SIL1: variants seen among roughly 807,000 people sequenced by gnomAD.
SIL1 encodes nucleotide exchange factor SIL1.
Under a neutral mutation model 49.1 loss-of-function variants are expected in SIL1, and 40 were observed. The ratio of observed to expected loss-of-function variants is 0.81; its 90% confidence interval spans 0.63 to 1.06. The LOEUF is 1.06. Ranked by LOEUF, SIL1 falls within the 50% of genes least tolerant of loss-of-function variation. SIL1 has a pLI of 0.00. For missense variants in SIL1, 500 were observed against 572.6 expected, an observed-to-expected ratio of 0.87 and a Z score of 1.29; for synonymous variants, 253 against 250.8, an observed-to-expected ratio of 1.01 and a Z score of -0.08.
At chr5:139,057,143 A>G (rs1208548469) in intron 3 of SIL1, among the ~76,000 whole-genome samples, 1 of 150,340 alleles carries the variant, frequency 6.7e-6, no homozygotes, top group Non-Finnish European at 1.5e-5. Flanking sequence ...AGTCATCACC[A>G]CTCCCTAATC....
chr5:139,193,603 G>GA (rs1204767175), intron 1 of SIL1, among the ~76,000 whole-genome samples: 1 of 151,896 alleles, frequency 6.6e-6, no homozygotes, highest in Admixed American at 6.6e-5. Flanking sequence ...ACAATTAAGG[G>GA]AAAAAAAGTC....
At chr5:139,144,573 T>G (rs1751155558) in intron 1 of SIL1, among the ~76,000 whole-genome samples, 1 of 151,892 alleles carries the variant, frequency 6.6e-6, no homozygotes, top group Admixed American at 6.6e-5. Flanking sequence ...AGGACGAAAT[T>G]TAAAAGGCTA....
At chr5:139,054,185 G>GC (rs1175745227) in intron 3 of SIL1, among the ~76,000 whole-genome samples, 2 of 152,170 alleles carry the variant, frequency 1.3e-5, no homozygotes, top group African/African-American at 4.8e-5. Context: ...GGAGGCCAAG[G>GC]CAAGTGGATC....
Position 138,947,074 on chromosome 5 carries a change from C to CA in SIL1, c.*42dup. The CA allele has an allele frequency of 6.6e-7, 1 of 1,518,860 alleles. No homozygotes were observed. 94.1% of individuals were successfully genotyped at this position (1,518,860 alleles called of 1,614,324 possible). A position where few individuals can be genotyped will look rare whatever the true frequency, so the allele number is the denominator to read the frequency against. On this transcript the variant is annotated 3_prime_UTR_variant, in exon 10 of 10. Coordinates refer to ENST00000394817, the MANE Select transcript of SIL1 (RefSeq NM_022464.5). This position sits in a 1 kb window ranked among gnomAD's most constrained non-coding sequence, Gnocchi z 4.1. ...GAAGCCCACCCACGCTGGCACCCCTCAGCCTCACTAGCGGCATCCCAGTCC... is the reference window on the plus strand; with the variant it reads ...GAAGCCCACCCACGCTGGCACCCCTCAAGCCTCACTAGCGGCATCCCAGTCC...
At chr5:138,993,466 G>A (rs966131043) in intron 7 of SIL1, among the ~76,000 whole-genome samples, 2 of 152,144 alleles carry the variant, frequency 1.3e-5, no homozygotes, top group African/African-American at 2.4e-5. Context: ...ACAGCCAGAC[G>A]CATCCTTGTG....
chr5:139,197,215 T>C (rs1561898738), intron 1 of SIL1, among the ~76,000 whole-genome samples: 1 of 132,466 alleles, frequency 7.5e-6, no homozygotes, highest in Non-Finnish European at 1.5e-5. Flanking sequence ...TTGCTGTGAG[T>C]CGAGATGGCA....
chr5:139,178,425 T>G (rs751149137), intron 1 of SIL1, among the ~76,000 whole-genome samples: 1 of 152,086 alleles, frequency 6.6e-6, no homozygotes, highest in Non-Finnish European at 1.5e-5. Context: ...CAGGTAAATA[T>G]GAAATGCCAT....
At chr5:138,973,974 A>G (rs1243333759) in intron 7 of SIL1, among the ~76,000 whole-genome samples, 2 of 152,134 alleles carry the variant, frequency 1.3e-5, no homozygotes, top group African/African-American at 4.8e-5. Context: ...TGAATGGATC[A>G]CGCTTCTACA....
intron 7 of SIL1, among the ~76,000 whole-genome samples, chr5:139,018,136 G>A (rs1768439640): frequency 6.6e-6 from 1 of 152,144 alleles, no homozygotes; most frequent in Non-Finnish European, 1.5e-5. Flanking sequence ...ACATTTAGTA[G>A]TCATGTCAAT....
intron 2 of SIL1, among the ~76,000 whole-genome samples, chr5:139,124,439 T>C (rs965739906): frequency 1.3e-5 from 2 of 152,228 alleles, no homozygotes; most frequent in African/African-American, 2.4e-5. Flanking sequence ...ACACAAAACC[T>C]GTACATTTAA....
chr5:139,036,687 G>C (rs1316916557), intron 5 of SIL1, among the ~76,000 whole-genome samples: 1 of 152,060 alleles, frequency 6.6e-6, no homozygotes, highest in Non-Finnish European at 1.5e-5. Flanking sequence ...CACACACTGG[G>C]GCCTATTGGG....
intron 3 of SIL1, among the ~76,000 whole-genome samples, chr5:139,094,918 C>T (rs976814044): frequency 9.9e-5 from 15 of 152,158 alleles, no homozygotes; most frequent in African/African-American, 3.4e-4. Context: ...GAGTACTGGT[C>T]AGGTATTTTA....
rs953514942 is a variant in SIL1, at chr5:139,057,329, G to GAAAAAAAA, written c.245-6284_245-6283insTTTTTTTT. Among the ~76,000 whole-genome samples, 22 of 99,984 alleles carry GAAAAAAAA rather than the reference G, an allele frequency of 2.2e-4. 2 individuals are homozygous for GAAAAAAAA. Among genetic ancestry groups the GAAAAAAAA allele is most frequent in the African/African-American group, 6.8e-4 (16 of 23,628 alleles). The allele number at this position is 99,984 out of a possible 152,430, so 65.6% of individuals were successfully genotyped here. A position where few individuals can be genotyped will look rare whatever the true frequency, so the allele number is the denominator to read the frequency against. On this transcript the variant is annotated intron_variant, in intron 3 of 9. Coordinates refer to ENST00000394817, the MANE Select transcript of SIL1 (RefSeq NM_022464.5). ...GAATGATCAATAAAAAAAAAAAAAA[G>GAAAAAAAA]AAAAGAAAAGAACATCACTGCTAGC...
intron 5 of SIL1, among the ~76,000 whole-genome samples, chr5:139,039,925 A>T (rs1769001250): frequency 6.6e-6 from 1 of 152,186 alleles, no homozygotes; most frequent in African/African-American, 2.4e-5. Context: ...TCCAAGAACC[A>T]AGGAACTCCG....
intron 1 of SIL1, among the ~76,000 whole-genome samples, chr5:139,176,357 T>C (rs1262855658): frequency 1.3e-5 from 2 of 152,178 alleles, no homozygotes; most frequent in Non-Finnish European, 2.9e-5. Context: ...GGAATTACCC[T>C]TAAGGCTCCT....
intron 3 of SIL1, among the ~76,000 whole-genome samples, chr5:139,085,068 C>T (rs1361375370): frequency 6.6e-6 from 1 of 151,976 alleles, no homozygotes; most frequent in African/African-American, 2.4e-5. Context: ...TATTCCATTG[C>T]AATGGATATA....
In SIL1 at chr5:138,948,818, G is replaced by A. The variant is rs564466878; in HGVS notation, c.1030-1345C>T. ...GAGCTGCCTAGGTCAGGAGGGCAGC[G>A]GGTTCCTTACGGGAGAGCGGTTGTT... is the stretch of plus-strand genomic sequence containing the variant. On this transcript the variant is annotated intron_variant, in intron 9 of 9. Transcript: ENST00000394817. This position sits in a 1 kb window ranked among gnomAD's most constrained non-coding sequence, Gnocchi z 4.8. Among the ~76,000 whole-genome samples the A allele has an allele frequency of 1.9e-4, 29 of 152,318 alleles. No individual in the cohort carries two copies. The South Asian group carries it at 3.7e-3, about 20-fold the overall frequency.
chr5:139,174,030 GA>G (rs1226235313), intron 1 of SIL1, among the ~76,000 whole-genome samples: 1 of 147,518 alleles, frequency 6.8e-6, no homozygotes, highest in Admixed American at 6.8e-5. Context: ...TTAAGGAACT[GA>G]AAAAAGAAAT....
At chr5:139,154,640 G>A (rs1313144682) in intron 1 of SIL1, among the ~76,000 whole-genome samples, 1 of 152,136 alleles carries the variant, frequency 6.6e-6, no homozygotes, top group Non-Finnish European at 1.5e-5. Context: ...AAAATATTTT[G>A]CAATATAGCT....
Sources: gnomAD v4.1 joint callset for allele counts (sites outside exome capture counted in the v4.1 genomes callset) on GRCh38, gnomAD v4.1.1 for gene constraint, Gnocchi (gnomAD v3.1) non-coding constraint, MANE v1.5 for transcripts, NCBI Gene and HGNC (gene_info 2026-07-23, HGNC 2026-07-21) for gene names.